The following CFAP61 variants were observed in gnomAD, a reference collection of about 807,000 sequenced individuals.
CFAP61 encodes the protein cilia- and flagella-associated protein 61.
In CFAP61, 107 loss-of-function variants were observed where a neutral mutation model predicts 135.6. The ratio of observed to expected loss-of-function variants is 0.79; its 90% CI spans 0.67 to 0.93. CFAP61 has a LOEUF of 0.93. Among genes scored for constraint, CFAP61 ranks in the 40% least tolerant of loss-of-function variants. The pLI, the probability that CFAP61 is intolerant of heterozygous loss-of-function variation, is 0.00. For missense variants in CFAP61, 1,507 were observed against 1,556.2 expected (o/e 0.97, Z 0.53); for synonymous variants, 575 against 578.5 (o/e 0.99, Z 0.09).
In CFAP61 at chr20:20,142,850, C is replaced by T. The variant is rs181788648; in HGVS notation, c.860-7C>T. 4 of 1,561,346 alleles carry T rather than the reference C, an allele frequency of 2.6e-6. No individual in the cohort carries two copies. The highest frequency in any genetic ancestry group is 4.5e-5 in the East Asian group (2 of 44,434). On this transcript the variant is annotated splice_region_variant and splice_polypyrimidine_tract_variant and intron_variant, in intron 8 of 26. Transcript: ENST00000245957. ...TTTCTGTCATTATTCTATCCCTTCTCTCAAAGATGCTGAGCTCAGGAGTAG... is the reference window on the plus strand; with the variant it reads ...TTTCTGTCATTATTCTATCCCTTCTTTCAAAGATGCTGAGCTCAGGAGTAG...
chr20:20,330,846 T>A (rs2057962957), intron 25 of CFAP61, among the ~76,000 whole-genome samples: 1 of 152,220 alleles, frequency 6.6e-6, no homozygotes, highest in Non-Finnish European at 1.5e-5. Flanking sequence ...GAATGTCCTC[T>A]CTCAGAGTGA....
At chr20:20,056,897 C>G (rs1029594577) in intron 2 of CFAP61, 101 bp downstream of exon 2, 22 of 1,031,952 alleles carry the variant, frequency 2.1e-5, no homozygotes, top group Non-Finnish European at 2.9e-5. Context: ...GCAGGCAGAT[C>G]ACCTGAGGCC....
At chr20:20,191,456 G>A in intron 15 of CFAP61, 37 bp downstream of exon 15, 2 of 1,502,574 alleles carry the variant, frequency 1.3e-6, no homozygotes, top group Non-Finnish European at 1.8e-6. Flanking sequence ...CTTTGATTGT[G>A]CCTTGCTATA....
chr20:20,143,375 C>CA (rs2051580474), intron 9 of CFAP61, among the ~76,000 whole-genome samples: 1 of 152,172 alleles, frequency 6.6e-6, no homozygotes, highest in South Asian at 2.1e-4. Flanking sequence ...CATCTCCCAG[C>CA]AAAGTCCCCT....
intron 9 of CFAP61, among the ~76,000 whole-genome samples, chr20:20,148,211 C>G (rs2052067315): frequency 6.6e-6 from 1 of 152,110 alleles, no homozygotes; most frequent in Non-Finnish European, 1.5e-5. Context: ...GTTCTTTTTG[C>G]TTAGTCTTGC....
chr20:20,098,621 A>AAAAG (rs1555855445), intron 7 of CFAP61, 34 bp from the exon 8 acceptor site: 4 of 1,527,316 alleles, frequency 2.6e-6, no homozygotes, highest in Non-Finnish European at 2.6e-6. Flanking sequence ...AAAAAAAAAA[A>AAAAG]AAAAAGAATA....
intron 13 of CFAP61, among the ~76,000 whole-genome samples, chr20:20,173,724 T>A (rs6046696): frequency 0.9 from 136,970 of 152,282 alleles, 62,421 homozygotes; most frequent in Middle Eastern, 0.99. Context: ...GTAGAATTTT[T>A]AAAAATGTAC....
At chr20:20,201,702 A>G (rs1383681758) in intron 17 of CFAP61, among the ~76,000 whole-genome samples, 1 of 152,248 alleles carries the variant, frequency 6.6e-6, no homozygotes, top group African/African-American at 2.4e-5. Context: ...TGATCTCTGG[A>G]GAAGGCGCTG....
intron 21 of CFAP61, among the ~76,000 whole-genome samples, chr20:20,264,867 G>A (rs2052577936): frequency 6.6e-6 from 1 of 152,182 alleles, no homozygotes; most frequent in South Asian, 2.1e-4. Context: ...ACTCCAGCCT[G>A]GGTGACAGAG....
At chr20:20,087,636 C>T (rs1035720704) in intron 6 of CFAP61, among the ~76,000 whole-genome samples, 4 of 139,004 alleles carry the variant, frequency 2.9e-5, no homozygotes, top group African/African-American at 1.4e-4. Context: ...CTTATTCCAC[C>T]CACTGACTGT....
At chr20:20,204,956 C>G (rs2056794215) in intron 17 of CFAP61, among the ~76,000 whole-genome samples, 1 of 152,150 alleles carries the variant, frequency 6.6e-6, no homozygotes, top group African/African-American at 2.4e-5. Context: ...ACTCTTTTCT[C>G]TCAGATTCTT....
At chr20:20,099,202 T>G (rs1049172516) in intron 8 of CFAP61, among the ~76,000 whole-genome samples, 38 of 152,078 alleles carry the variant, frequency 2.5e-4, no homozygotes, top group African/African-American at 8.7e-4. Context: ...TCAGGAAATT[T>G]TTTATGCTTT....
At chr20:20,120,095 A>G (rs1390679761) in intron 8 of CFAP61, among the ~76,000 whole-genome samples, 2 of 152,170 alleles carry the variant, frequency 1.3e-5, no homozygotes, top group African/African-American at 4.8e-5. Flanking sequence ...TGTCTTTATG[A>G]TAGAACAATT....
chr20:20,052,842 A>G (rs2043855995), intron 1 of CFAP61: 2 of 968,898 alleles, frequency 2.1e-6, no homozygotes, highest in East Asian at 2.6e-5. Flanking sequence ...TTTAGGCTGC[A>G]ATGCCTCGAG....
rs1238281574 is a variant in CFAP61 at position 20,260,510 on chromosome 20, ATCCC to A, written c.2329-2445_2329-2442del. ...TTGCCTGCTTTGTGAAAATGCCATA[ATCCC>A]ATTAGTTTTTCTTTAATTGCTCTTA... On this transcript the variant is annotated intron_variant, in intron 20 of 26. Transcript: ENST00000245957. Among the ~76,000 whole-genome samples, 34 of 152,356 alleles carry A rather than the reference ATCCC, an allele frequency of 2.2e-4. No individual in the cohort carries two copies. In the East Asian group the frequency reaches 5.6e-3, roughly 25 times the overall value.
rs1286893416 is a variant in CFAP61, at chr20:20,196,555, C to T, written c.1591-15C>T. ...AAAATGCTTGTAGAAACCATCCCTT[C>T]TGTCTCTTCTGTAGGACATTGAGTA... On this transcript the variant is annotated splice_polypyrimidine_tract_variant and intron_variant, in intron 15 of 26. Transcript: ENST00000245957. 4 of 1,584,170 alleles carry T rather than the reference C, an allele frequency of 2.5e-6. No homozygotes were observed. Among genetic ancestry groups the T allele is most frequent in the Non-Finnish European group, 3.5e-6 (4 of 1,152,918 alleles).
chr20:20,136,225 G>A (rs2050911468), intron 8 of CFAP61, among the ~76,000 whole-genome samples: 1 of 151,990 alleles, frequency 6.6e-6, no homozygotes, highest in African/African-American at 2.4e-5. Context: ...TCTTCTTTGG[G>A]TTAAATCTAC....
At chr20:20,119,630 T>A (rs2146690332) in intron 8 of CFAP61, among the ~76,000 whole-genome samples, 2 of 149,658 alleles carry the variant, frequency 1.3e-5, no homozygotes, top group South Asian at 4.2e-4. Flanking sequence ...GTTTTGGCTA[T>A]GAAGAAATGA....
intron 13 of CFAP61, 78 bp from the exon 14 acceptor site, chr20:20,187,852 T>C (rs573405807): frequency 2.6e-5 from 28 of 1,070,078 alleles, no homozygotes; most frequent in African/African-American, 4.7e-5. Context: ...AAGTGTGATA[T>C]ATTACAATTC....
Sources: allele counts gnomAD v4.1 joint callset (sites outside exome capture counted in the v4.1 genomes callset), GRCh38; gene constraint gnomAD v4.1.1; transcripts MANE v1.5; gene names NCBI Gene and HGNC (gene_info 2026-07-23, HGNC 2026-07-21).